Variants in SUMF1 observed in about 807,000 individuals in gnomAD.
The protein encoded by SUMF1 is sulfatase modifying factor 1.
A neutral mutation model predicts 47.6 loss-of-function variants in SUMF1; 48 were observed. That is an observed-to-expected ratio of 1.01 (90% CI 0.80 to 1.28). The LOEUF is 1.28. Ranked by LOEUF, SUMF1 falls within the 50% of genes most tolerant of loss-of-function variation. The pLI is 0.00. For missense variants in SUMF1, 571 were observed against 485.4 expected, an observed-to-expected ratio of 1.18 and a Z score of -1.66; for synonymous variants, 230 against 192.1, an observed-to-expected ratio of 1.20 and a Z score of -1.63.
chr3:4,095,297 G>T (rs1189445879), intron 8 of SUMF1, among the ~76,000 whole-genome samples: 1 of 152,136 alleles, frequency 6.6e-6, no homozygotes, highest in Non-Finnish European at 1.5e-5. Context: ...AACAAATGGA[G>T]TTCTGCTTTC....
intron 8 of SUMF1, among the ~76,000 whole-genome samples, chr3:4,247,949 G>A (rs1392598436): frequency 2.0e-5 from 3 of 152,112 alleles, no homozygotes; most frequent in Non-Finnish European, 2.9e-5. Context: ...CATACAAAAT[G>A]GGAATTGTTT....
At chr3:4,415,114 C>T (rs1316777519) in intron 6 of SUMF1, among the ~76,000 whole-genome samples, 1 of 151,140 alleles carries the variant, frequency 6.6e-6, no homozygotes, top group Non-Finnish European at 1.5e-5. Flanking sequence ...ATAATCCTAG[C>T]TACTAAGGAG....
In SUMF1 at chr3:4,467,206, G is replaced by C. The variant is rs765508829; in HGVS notation, c.40C>G (p.Pro14Ala). Residue 14 changes from proline to alanine, a missense_variant, in exon 1 of 9, where the codon CCT becomes GCT. By Grantham distance (27) the Pro-to-Ala change is conservative. Coordinates refer to ENST00000272902, the MANE Select transcript of SUMF1 (RefSeq NM_182760.4). ...PALGLVCGRC[P>A]ELGLVLLLLL... ...AGCAAGAGGACGAGACCCAGCTCAGGGCAACGTCCACACACCAGCCCTAGT... is the reference window on the plus strand; with the variant it reads ...AGCAAGAGGACGAGACCCAGCTCAGCGCAACGTCCACACACCAGCCCTAGT... The C allele has an allele frequency of 6.2e-7, 1 of 1,611,572 alleles. No individual in the cohort carries two copies. The highest frequency in any genetic ancestry group is 8.5e-7 in the Non-Finnish European group (1 of 1,179,340).
intron 8 of SUMF1, among the ~76,000 whole-genome samples, chr3:4,251,221 G>A (rs1233820696): frequency 1.3e-5 from 2 of 152,196 alleles, no homozygotes; most frequent in African/African-American, 2.4e-5. Flanking sequence ...CAAGACTTCA[G>A]TGGAGGAAGT....
intron 8 of SUMF1, among the ~76,000 whole-genome samples, chr3:4,371,795 G>A (rs1396672825): frequency 6.6e-6 from 1 of 152,132 alleles, no homozygotes; most frequent in African/African-American, 2.4e-5. Flanking sequence ...TATACATGAG[G>A]AAAAATTGAG....
At chr3:4,133,276 G>C (rs942107181) in intron 8 of SUMF1, among the ~76,000 whole-genome samples, 4 of 152,060 alleles carry the variant, frequency 2.6e-5, no homozygotes, top group Non-Finnish European at 5.9e-5. Flanking sequence ...AATAGTATTT[G>C]GGTTGGGGAT....
intron 8 of SUMF1, among the ~76,000 whole-genome samples, chr3:4,288,277 A>C (rs1255536287): frequency 6.6e-6 from 1 of 152,238 alleles, no homozygotes; most frequent in East Asian, 1.9e-4. Flanking sequence ...ATGCATGGAC[A>C]GAATCTCCCT....
intron 8 of SUMF1, among the ~76,000 whole-genome samples, chr3:4,097,636 G>C (rs549258404): frequency 6.6e-6 from 1 of 152,210 alleles, no homozygotes; most frequent in Admixed American, 6.5e-5. Flanking sequence ...CACAACGCAT[G>C]TGTTCTTCCT....
chr3:4,268,381 T>C (rs892286733), intron 8 of SUMF1, among the ~76,000 whole-genome samples: 32 of 152,084 alleles, frequency 2.1e-4, no homozygotes, highest in Non-Finnish European at 4.1e-4. Context: ...CATGTATACA[T>C]ATGTAACTAA....
At chr3:4,245,321 G>C (rs1426263696) in intron 8 of SUMF1, among the ~76,000 whole-genome samples, 1 of 152,008 alleles carries the variant, frequency 6.6e-6, no homozygotes, top group Non-Finnish European at 1.5e-5. Flanking sequence ...GAGGCTTTCT[G>C]GTTTTTGAAA....
chr3:4,089,085 G>A (rs2125051410), intron 8 of SUMF1, among the ~76,000 whole-genome samples: 1 of 152,178 alleles, frequency 6.6e-6, no homozygotes, highest in Non-Finnish European at 1.5e-5. Context: ...GACCCACACT[G>A]TGGAAGCTGG....
intron 8 of SUMF1, among the ~76,000 whole-genome samples, chr3:4,131,613 G>A (rs1265371710): frequency 1.3e-5 from 2 of 152,120 alleles, no homozygotes; most frequent in Non-Finnish European, 1.5e-5. Flanking sequence ...ACTGATTCAT[G>A]GGCTGTAGCT....
At chr3:4,130,469 G>A (rs892753551) in intron 8 of SUMF1, among the ~76,000 whole-genome samples, 4 of 152,096 alleles carry the variant, frequency 2.6e-5, no homozygotes, top group Non-Finnish European at 5.9e-5. Flanking sequence ...TTTTGCTTCT[G>A]CAAGATATCA....
At chr3:4,063,688 A>G (rs1391424035) in intron 9 of SUMF1, among the ~76,000 whole-genome samples, 2 of 152,040 alleles carry the variant, frequency 1.3e-5, no homozygotes, top group East Asian at 3.9e-4. Flanking sequence ...TCTCCTTTCT[A>G]CTATTTAGCC....
intron 8 of SUMF1, among the ~76,000 whole-genome samples, chr3:4,113,056 A>T (rs557945699): frequency 6.6e-6 from 1 of 152,262 alleles, no homozygotes; most frequent in Non-Finnish European, 1.5e-5. Flanking sequence ...GCTGATTTAA[A>T]ATGAGATTTA....
chr3:4,157,737 T>G (rs1694487518), intron 8 of SUMF1, among the ~76,000 whole-genome samples: 1 of 151,524 alleles, frequency 6.6e-6, no homozygotes, highest in South Asian at 2.1e-4. Flanking sequence ...AATTAAGACT[T>G]TAAGTTCTTC....
intron 2 of SUMF1, among the ~76,000 whole-genome samples, chr3:4,452,059 G>C (rs939250621): frequency 6.6e-6 from 1 of 151,472 alleles, no homozygotes; most frequent in African/African-American, 2.4e-5. Flanking sequence ...AAATCTGAAA[G>C]TTGTTTTACT....
chr3:4,142,821 A>G (rs1694102247), intron 8 of SUMF1, among the ~76,000 whole-genome samples: 1 of 152,086 alleles, frequency 6.6e-6, no homozygotes, highest in African/African-American at 2.4e-5. Context: ...TGAGCCCCCA[A>G]AAAGCCATCC....
chr3:4,280,211 T>C (rs1182854216), intron 8 of SUMF1, among the ~76,000 whole-genome samples: 1 of 152,184 alleles, frequency 6.6e-6, no homozygotes, highest in East Asian at 1.9e-4. Context: ...AGAATTTTTG[T>C]CAATTAAAAA....
Sources: allele counts gnomAD v4.1 joint callset (sites outside exome capture counted in the v4.1 genomes callset), GRCh38; gene constraint gnomAD v4.1.1; transcripts MANE v1.5; gene names NCBI Gene and HGNC (gene_info 2026-07-23, HGNC 2026-07-21).